Variants in CGGBP1 observed in about 807,000 individuals in gnomAD.
The protein encoded by CGGBP1 is CGG triplet repeat binding protein 1, also known as CGG triplet repeat-binding protein 1.
CGGBP1 carries 4 observed loss-of-function variants against 11.4 expected under a neutral mutation model. The ratio of observed to expected loss-of-function variants is 0.35; its 90% confidence interval spans 0.17 to 0.80. The LOEUF (loss-of-function observed/expected upper bound fraction) is 0.80, where lower values mean the gene tolerates loss of function less well. Ranked by LOEUF, CGGBP1 falls within the 30% of genes least tolerant of loss-of-function variation. CGGBP1 has a pLI of 0.52. For synonymous variants in CGGBP1, 76 were observed against 74.1 expected, an observed-to-expected ratio of 1.03 and a Z score of -0.13; for missense variants, 135 against 202.1, an observed-to-expected ratio of 0.67 and a Z score of 2.01.
At chr3:88,134,910 T>C (rs1463340151) in intron 2 of CGGBP1, 8 of 438,332 alleles carry the variant, frequency 1.8e-5, no homozygotes, top group East Asian at 3.7e-5. Flanking sequence ...TAGTCTCATA[T>C]AGGTAGAAGA....
upstream of CGGBP1, among the ~76,000 whole-genome samples, chr3:88,063,796 A>G (rs112284580): frequency 2.3e-3 from 354 of 152,024 alleles, 2 homozygotes; most frequent in South Asian, 0.014. Flanking sequence ...TGGCCATACT[A>G]TCATTTGCTC....
chr3:88,075,797 T>A (rs914655178), intron 2 of CGGBP1, among the ~76,000 whole-genome samples: 2 of 152,172 alleles, frequency 1.3e-5, no homozygotes, highest in African/African-American at 4.8e-5. Flanking sequence ...TTATCTCTTG[T>A]AGTGTCTTCC....
At chr3:88,118,240 C>CT (rs777785658) in intron 2 of CGGBP1, among the ~76,000 whole-genome samples, 1 of 152,076 alleles carries the variant, frequency 6.6e-6, no homozygotes, top group Non-Finnish European at 1.5e-5. Context: ...CCTTCTTTCC[C>CT]TGAGACACAA....
intron 2 of CGGBP1, among the ~76,000 whole-genome samples, chr3:88,115,046 T>C (rs1201817708): frequency 6.6e-6 from 1 of 152,226 alleles, no homozygotes; most frequent in Non-Finnish European, 1.5e-5. Flanking sequence ...CAGCATAAGA[T>C]GGTGTTCTTT....
intron 2 of CGGBP1, among the ~76,000 whole-genome samples, chr3:88,067,183 T>G (rs904767252): frequency 6.6e-6 from 1 of 152,248 alleles, no homozygotes; most frequent in Non-Finnish European, 1.5e-5. Context: ...CAATTTTGTG[T>G]GCAGTTATAA....
At chr3:88,098,503 C>T (rs184638529) in intron 2 of CGGBP1, among the ~76,000 whole-genome samples, 388 of 152,258 alleles carry the variant, frequency 2.5e-3, no homozygotes, top group African/African-American at 9.1e-3. Context: ...CATCCTGATA[C>T]TAAAGCCTGG....
chr3:88,059,476 A>C (rs1284616927), upstream of CGGBP1: 3 of 1,515,118 alleles, frequency 2.0e-6, no homozygotes, highest in African/African-American at 4.2e-5. Flanking sequence ...CGGAATCAGC[A>C]GTCGGGATTA....
At chr3:88,117,980 T>C (rs1160850986) in intron 2 of CGGBP1, among the ~76,000 whole-genome samples, 1 of 152,062 alleles carries the variant, frequency 6.6e-6, no homozygotes, top group Non-Finnish European at 1.5e-5. Flanking sequence ...TTTACTACTT[T>C]TATAAATTAA....
At chr3:88,111,102 G>C (rs1001648594) in intron 2 of CGGBP1, among the ~76,000 whole-genome samples, 6 of 151,974 alleles carry the variant, frequency 3.9e-5, no homozygotes, top group South Asian at 2.1e-4. Flanking sequence ...TGGATTTTGA[G>C]TAAGTATGGA....
At chr3:88,141,644 G>A in intron 1 of CGGBP1, 1 of 1,508,318 alleles carries the variant, frequency 6.6e-7, no homozygotes, top group Admixed American at 1.9e-5. Flanking sequence ...CTGTTTTACA[G>A]GTGCCTGATG....
chr3:88,135,451 A>T, intron 2 of CGGBP1: 1 of 269,882 alleles, frequency 3.7e-6, no homozygotes, highest in East Asian at 6.4e-5. Context: ...TTATAATTAA[A>T]TATTTGTTAC....
chr3:88,092,727 A>G (rs547318314), intron 2 of CGGBP1, among the ~76,000 whole-genome samples: 2 of 152,322 alleles, frequency 1.3e-5, no homozygotes, highest in African/African-American at 4.8e-5. Context: ...TCTTTTATAT[A>G]TGTATAACAT....
upstream of CGGBP1, chr3:88,059,209 CT>C (rs1452311094): frequency 7.1e-5 from 105 of 1,470,712 alleles, no homozygotes; most frequent in Non-Finnish European, 5.8e-5. Flanking sequence ...CCCTGTCCGG[CT>C]AGGGAGGAGG....
intron 2 of CGGBP1, among the ~76,000 whole-genome samples, chr3:88,122,412 C>A (rs1184842395): frequency 6.6e-6 from 1 of 152,104 alleles, no homozygotes; most frequent in Non-Finnish European, 1.5e-5. Context: ...TGTAGAATGG[C>A]CAGAACACTG....
chr3:88,138,657 A>AT (rs1187077575), intron 2 of CGGBP1: 15 of 1,157,772 alleles, frequency 1.3e-5, no homozygotes, highest in East Asian at 3.2e-5. Context: ...TAGTATAACC[A>AT]TTTTTTTGGA....
At chr3:88,095,381 AAG>A (rs1235739809) in intron 2 of CGGBP1, 1 of 328,678 alleles carries the variant, frequency 3.0e-6, no homozygotes, top group Non-Finnish European at 5.8e-6. Context: ...ATTATGTACT[AAG>A]AGAAGTGACA....
intron 2 of CGGBP1, chr3:88,140,741 T>C: frequency 6.2e-7 from 1 of 1,613,732 alleles, no homozygotes; most frequent in Non-Finnish European, 8.5e-7. Context: ...TGCCAGTATC[T>C]CAGGCACCTT....
At position 88,070,560 on chromosome 3, in the gene CGGBP1, CCTGTTTTTTTT is replaced by C. The variant is rs1276140072; in HGVS notation, c.-228-12348_-228-12338del. Among the ~76,000 whole-genome samples, 25 of 111,708 alleles carry C rather than the reference CCTGTTTTTTTT, an allele frequency of 2.2e-4. No individual in the cohort carries two copies. In the Admixed American group the frequency reaches 2.7e-3, roughly 12 times the overall value. The allele number at this position is 111,708 out of a possible 152,430, so 73.3% of individuals were successfully genotyped here. ...CGCCACTGTGGCAAAGGCAACACTG[CCTGTTTTTTTT>C]TTTTTTTTTTTTTTTTTTGCAGATC... On this transcript the variant is annotated intron_variant, in intron 2 of 3. Transcript: ENST00000462901.
intron 3 of CGGBP1, 150 bp downstream of exon 3, chr3:88,057,041 C>G (rs1706561695): frequency 6.6e-6 from 1 of 152,046 alleles, no homozygotes. Flanking sequence ...TTACAATAAC[C>G]AAGACTTAAG....
Sources: gnomAD v4.1 joint callset for allele counts (sites outside exome capture counted in the v4.1 genomes callset) on GRCh38, gnomAD v4.1.1 for gene constraint, MANE v1.5 for transcripts, NCBI Gene and HGNC (gene_info 2026-07-23, HGNC 2026-07-21) for gene names.